PLPP3: variants seen among roughly 807,000 people sequenced by gnomAD.
PLPP3 encodes the protein PAP2 beta.
PLPP3 carries 6 observed loss-of-function variants against 29.6 expected under a neutral mutation model. That is an observed-to-expected ratio of 0.20 (90% CI 0.11 to 0.40). The LOEUF (loss-of-function observed/expected upper bound fraction) is 0.40. Ranked by LOEUF, PLPP3 falls within the 10% of genes least tolerant of loss-of-function variation. The probability of loss-of-function intolerance (pLI) is 1.00; values close to 1 mark genes in which losing one functional copy is unlikely to be tolerated. For missense variants in PLPP3, 308 were observed against 407.7 expected (o/e 0.76, Z 2.11); for synonymous variants, 152 against 159.7 (o/e 0.95, Z 0.36).
At chr1:56,517,465 C>T (rs1173419675) in intron 4 of PLPP3, among the ~76,000 whole-genome samples, 1 of 152,206 alleles carries the variant, frequency 6.6e-6, no homozygotes, top group Non-Finnish European at 1.5e-5. Context: ...ATTGGTGTAG[C>T]CCCTGGGCCA....
chr1:56,505,504 T>C (rs1315679682), intron 5 of PLPP3, among the ~76,000 whole-genome samples: 1 of 152,220 alleles, frequency 6.6e-6, no homozygotes, highest in African/African-American at 2.4e-5. Flanking sequence ...TTCTTCTGCT[T>C]CTGCCAACCC....
intron 1 of PLPP3, among the ~76,000 whole-genome samples, chr1:56,556,243 G>A (rs1646075737): frequency 6.6e-6 from 1 of 152,204 alleles, no homozygotes; most frequent in Non-Finnish European, 1.5e-5. Flanking sequence ...GGGCATTAGG[G>A]CGGGCTGTAA....
chr1:56,578,838 G>A (rs371279559), intron 1 of PLPP3, 40 bp downstream of exon 1: 55 of 1,498,112 alleles, frequency 3.7e-5, no homozygotes, highest in Non-Finnish European at 4.7e-5. Context: ...GCCGAGGGAC[G>A]AGGGGCCGAG....
intron 1 of PLPP3, among the ~76,000 whole-genome samples, chr1:56,577,780 G>C (rs1646246031): frequency 2.0e-5 from 3 of 152,092 alleles, no homozygotes; most frequent in Non-Finnish European, 4.4e-5. Context: ...AGGGGCCTTG[G>C]AGAGCATCTA....
chr1:56,518,454 G>C (rs1645796758), intron 4 of PLPP3, among the ~76,000 whole-genome samples: 6 of 151,900 alleles, frequency 3.9e-5, no homozygotes, highest in Admixed American at 3.9e-4. Context: ...AGCAAAGAGG[G>C]AGCAAAGACT....
chr1:56,556,990 G>GA (rs1384966209), intron 1 of PLPP3, among the ~76,000 whole-genome samples: 2 of 7,472 alleles, frequency 2.7e-4, no homozygotes, highest in African/African-American at 6.9e-4. Flanking sequence ...AAGAAAGAAA[G>GA]AAAGAAAGAA....
intron 2 of PLPP3, among the ~76,000 whole-genome samples, chr1:56,534,011 T>A (rs547282743): frequency 6.6e-6 from 1 of 152,318 alleles, no homozygotes; most frequent in African/African-American, 2.4e-5. Flanking sequence ...ATATTAAGAA[T>A]CTGTATAAAC....
chr1:56,558,848 T>C (rs1646101605), intron 1 of PLPP3, among the ~76,000 whole-genome samples: 1 of 152,208 alleles, frequency 6.6e-6, no homozygotes, highest in African/African-American at 2.4e-5. Flanking sequence ...TAACTCGTGG[T>C]GGTGAATCTC....
At chr1:56,496,700 A>G (rs201786511) in intron 5 of PLPP3, 24 bp from the exon 6 acceptor site, 207 of 1,612,730 alleles carry the variant, frequency 1.3e-4, no homozygotes, top group Non-Finnish European at 1.7e-4. Context: ...TCAGAGATCG[A>G]AGTCAGTAAC....
intron 1 of PLPP3, 30 bp from the exon 2 acceptor site, chr1:56,537,142 A>G: frequency 6.3e-7 from 1 of 1,586,236 alleles, no homozygotes; most frequent in Non-Finnish European, 8.6e-7. Flanking sequence ...GGCATATACC[A>G]GAAAAAAAAA....
intron 4 of PLPP3, among the ~76,000 whole-genome samples, chr1:56,518,682 TC>T (rs1002621823): frequency 6.7e-6 from 1 of 149,482 alleles, no homozygotes; most frequent in African/African-American, 2.5e-5. Flanking sequence ...AAAAAATCTC[TC>T]CCCCGGGGAA....
At chr1:56,540,508 C>G (rs1399838061) in intron 1 of PLPP3, among the ~76,000 whole-genome samples, 2 of 152,148 alleles carry the variant, frequency 1.3e-5, no homozygotes, top group African/African-American at 2.4e-5. Context: ...CACTTTTAAA[C>G]TGAGAACAGT....
chr1:56,560,696 G>T (rs1646117694), intron 1 of PLPP3, among the ~76,000 whole-genome samples: 1 of 152,088 alleles, frequency 6.6e-6, no homozygotes, highest in Admixed American at 6.5e-5. Context: ...TAGGTTTCAG[G>T]ATATGAATTT....
chr1:56,571,515 A>T (rs571670885), intron 1 of PLPP3, among the ~76,000 whole-genome samples: 6 of 152,358 alleles, frequency 3.9e-5, no homozygotes, highest in African/African-American at 1.4e-4. Context: ...ACATTAAAAA[A>T]TGACCTTGGT....
intron 1 of PLPP3, among the ~76,000 whole-genome samples, chr1:56,557,020 G>GAA (rs1557513591): frequency 2.0e-4 from 1 of 5,078 alleles, no homozygotes; most frequent in South Asian, 3.1e-3. Context: ...GAGAGAGAGA[G>GAA]AGAGAAAGAG....
At chr1:56,503,680 C>CA (rs989675221) in intron 5 of PLPP3, among the ~76,000 whole-genome samples, 10 of 151,104 alleles carry the variant, frequency 6.6e-5, no homozygotes, top group East Asian at 1.9e-4. Context: ...ACTCCATCTC[C>CA]AAAAAAAACC....
intron 2 of PLPP3, among the ~76,000 whole-genome samples, chr1:56,532,008 G>A (rs759983637): frequency 3.3e-5 from 5 of 152,212 alleles, no homozygotes; most frequent in East Asian, 1.9e-4. Context: ...CATCACCTCC[G>A]TATTGATACG....
Position 56,540,669 on chromosome 1 carries a change from C to T in PLPP3, c.140-3557G>A, listed in dbSNP as rs558876115. Among the ~76,000 whole-genome samples, 4 of 150,310 alleles carry T rather than the reference C, an allele frequency of 2.7e-5. No homozygotes were observed. The South Asian group carries it at 8.4e-4, about 31-fold the overall frequency. Reference sequence around the variant, plus strand: ...GCATGCAGATGGCATTTACAAAACCCGATGGCTTTTTTTTGTCTCCCCTAT... The same window carrying T: ...GCATGCAGATGGCATTTACAAAACCTGATGGCTTTTTTTTGTCTCCCCTAT... On this transcript the variant is annotated intron_variant, in intron 1 of 5. Transcript: ENST00000371250.
chr1:56,518,578 C>A (rs1042520884), intron 4 of PLPP3, among the ~76,000 whole-genome samples: 2 of 152,078 alleles, frequency 1.3e-5, no homozygotes, highest in African/African-American at 4.8e-5. Context: ...ACCTGAAATT[C>A]ATTCATTCAT....
Sources: allele counts gnomAD v4.1 joint callset (sites outside exome capture counted in the v4.1 genomes callset), GRCh38; gene constraint gnomAD v4.1.1; transcripts MANE v1.5; gene names NCBI Gene and HGNC (gene_info 2026-07-23, HGNC 2026-07-21).